USP35: variants seen among roughly 807,000 people sequenced by gnomAD.
USP35 encodes the protein ubiquitin carboxyl-terminal hydrolase 35.
A neutral mutation model predicts 83.8 loss-of-function variants in USP35; 69 were observed. The observed-to-expected ratio is 0.82, with a 90% CI of 0.68 to 1.01. The LOEUF (loss-of-function observed/expected upper bound fraction) is 1.01. USP35 is among the 50% of genes least tolerant of loss of function. The pLI is 0.00. For missense variants in USP35, 1,503 were observed against 1,362.5 expected, an observed-to-expected ratio of 1.10 and a Z score of -1.62; for synonymous variants, 714 against 589.5, an observed-to-expected ratio of 1.21 and a Z score of -3.06.
chr11:78,195,994 C>A (rs1189035396), intron 1 of USP35, among the ~76,000 whole-genome samples: 1 of 152,212 alleles, frequency 6.6e-6, no homozygotes, highest in Admixed American at 6.5e-5. Context: ...TCCCAAAGTG[C>A]TGGGATTACA....
intron 6 of USP35, among the ~76,000 whole-genome samples, chr11:78,205,280 C>T (rs1863496149): frequency 6.6e-6 from 1 of 152,200 alleles, no homozygotes; most frequent in Non-Finnish European, 1.5e-5. Context: ...TTCTGCAAAT[C>T]TAAAAGTAAA....
At chr11:78,226,265 C>T in the USP35 span, among the ~76,000 whole-genome samples, 2 of 152,216 alleles carry the variant, frequency 1.3e-5, no homozygotes, top group Non-Finnish European at 1.5e-5. Flanking sequence ...CTCTGTTAGA[C>T]AACTACTACT....
chr11:78,190,360 G>C (rs1862966582), intron 1 of USP35, among the ~76,000 whole-genome samples: 1 of 152,212 alleles, frequency 6.6e-6, no homozygotes, highest in Non-Finnish European at 1.5e-5. Context: ...TTTCTTGACT[G>C]ATGTTTAAGA....
At position 78,209,535 on chromosome 11, in the gene USP35, C is replaced by G. The variant is rs1366672318; in HGVS notation, c.1680C>G (p.Ala560=). ...SSPSPPEEPP[A]PSSTSVEKMF... Reference sequence around the variant, plus strand: ...CCTCTCCGCCCGAGGAGCCCCCGGCCCCAAGTTCAACCTCTGTGGAAAAAA... The same window carrying G: ...CCTCTCCGCCCGAGGAGCCCCCGGCGCCAAGTTCAACCTCTGTGGAAAAAA... Residue 560 remains alanine, a synonymous_variant, in exon 10 of 11, where the codon GCC becomes GCG. Transcript: ENST00000529308. 6.2e-7 allele frequency: 1 copy of G among 1,614,126 alleles called. No individual in the cohort carries two copies. Among genetic ancestry groups the G allele is most frequent in the Admixed American group, 1.7e-5 (1 of 60,030 alleles).
intron 3 of USP35, 121 bp downstream of exon 3, chr11:78,198,189 T>C (rs1863214019): frequency 1.4e-6 from 2 of 1,424,264 alleles, no homozygotes; most frequent in South Asian, 1.3e-5. Context: ...CAGGCCCTCA[T>C]GTGTGTTCCA....
In USP35 at chr11:78,210,078, C is replaced by T; in HGVS notation, c.2223C>T (p.His741=). 1 of 1,613,998 alleles carries T rather than the reference C, an allele frequency of 6.2e-7. No individual in the cohort carries two copies. The highest frequency in any genetic ancestry group is 8.5e-7 in the Non-Finnish European group (1 of 1,179,950). The change falls in exon 10 of 11, where the codon CAC becomes CAT. Residue 741 remains histidine, a synonymous_variant. Coordinates refer to ENST00000529308, the MANE Select transcript of USP35 (RefSeq NM_020798.4). ...KEEDSLGAGT[H]PDAAIPSGER... is the part of the protein sequence containing the mutation. ...AAGACAGCCTGGGAGCGGGGACCCA[C>T]CCGGATGCTGCCATCCCCTCCGGGG...
At chr11:78,226,410 G>A in the USP35 span, 1 of 1,366,878 alleles carries the variant, frequency 7.3e-7, no homozygotes, top group Non-Finnish European at 1.0e-6. Flanking sequence ...AAACTATTGA[G>A]AACCCCTGTG....
At chr11:78,233,890 C>T in the USP35 span, among the ~76,000 whole-genome samples, 1 of 152,200 alleles carries the variant, frequency 6.6e-6, no homozygotes, top group Admixed American at 6.5e-5. Flanking sequence ...AGATTACAGG[C>T]GTGGGCCACC....
the USP35 span, chr11:78,226,863 C>A: frequency 6.2e-7 from 1 of 1,614,004 alleles, no homozygotes; most frequent in South Asian, 1.1e-5. Flanking sequence ...GGCCAGGCTG[C>A]GGGGGAGGTC....
the USP35 span, chr11:78,222,110 C>T: frequency 6.2e-6 from 10 of 1,608,846 alleles, no homozygotes; most frequent in African/African-American, 4.0e-5. Flanking sequence ...CTTACTTGGC[C>T]CTAGACCAAG....
At chr11:78,211,285 G>A (rs758035016) in intron 10 of USP35, among the ~76,000 whole-genome samples, 44 of 152,268 alleles carry the variant, frequency 2.9e-4, no homozygotes, top group Non-Finnish European at 5.9e-4. Context: ...ACATGATCTC[G>A]TTCCTTTTTA....
chr11:78,213,722 T>TTGATGAAGACAAGGATGA lies in USP35; in HGVS notation c.2967_2984dup (p.Asp994_Glu995insAspAspGluAspLysAsp), dbSNP rs758782020. ...ACATCTCCGCACTGGGGGAGGGGCTTTGATGAAGACAAGGATGAGGATGAA... is the reference window on the plus strand; with the variant it reads ...ACATCTCCGCACTGGGGGAGGGGCTTTGATGAAGACAAGGATGATGATGAAGACAAGGATGAGGATGAA... On this transcript the variant is annotated inframe_insertion, in exon 11 of 11. Transcript: ENST00000529308. 3.3e-6 allele frequency: 5 copies of TTGATGAAGACAAGGATGA among 1,534,138 alleles called. No individual in the cohort carries two copies. Among genetic ancestry groups the TTGATGAAGACAAGGATGA allele is most frequent in the Non-Finnish European group, 4.3e-6 (5 of 1,150,966 alleles).
At chr11:78,202,546 T>G (rs935529982) in intron 6 of USP35, among the ~76,000 whole-genome samples, 1 of 152,148 alleles carries the variant, frequency 6.6e-6, no homozygotes, top group African/African-American at 2.4e-5. Flanking sequence ...CTACTGAAAA[T>G]GAGTTTATAG....
the USP35 span, chr11:78,223,460 C>T: frequency 6.3e-7 from 1 of 1,588,588 alleles, no homozygotes; most frequent in South Asian, 1.1e-5. Flanking sequence ...GGCTGAATCT[C>T]ACTTCCTCTG....
At chr11:78,197,887 A>G (rs752307141) in intron 2 of USP35, 49 bp from the exon 3 acceptor site, 2 of 1,594,056 alleles carry the variant, frequency 1.3e-6, no homozygotes, top group East Asian at 4.5e-5. Flanking sequence ...TGCTGGGGGA[A>G]GGGAGGGGCC....
In USP35 at chr11:78,205,932, C is replaced by G. The variant is rs938482819; in HGVS notation, c.1288C>G (p.Pro430Ala). ...GAAGAGCGAGCTGGCGGGTTTCTAT[C>G]CCCGGCTCATGGCCAAGTCAGACAC... Reference protein sequence around the residue: ...SQKSELAGFYPRLMAKSDTGK... With the variant: ...SQKSELAGFYARLMAKSDTGK... The change falls in exon 7 of 11, where the codon CCC becomes GCC. Residue 430 changes from proline (P) to alanine (A), a missense_variant. Physicochemically the swap from Pro to Ala is conservative, Grantham distance 27 (BLOSUM62 -1). Coordinates refer to ENST00000529308, the MANE Select transcript of USP35 (RefSeq NM_020798.4). 1.9e-6 allele frequency: 3 copies of G among 1,614,152 alleles called. No individual in the cohort carries two copies. In the African/African-American group the frequency reaches 4.0e-5, roughly 22 times the overall value.
At chr11:78,204,412 G>T (rs1277706854) in intron 6 of USP35, among the ~76,000 whole-genome samples, 1 of 152,184 alleles carries the variant, frequency 6.6e-6, no homozygotes, top group African/African-American at 2.4e-5. Flanking sequence ...GGTTGTGGCG[G>T]TTTCTTTGGG....
chr11:78,234,532 T>C, the USP35 span, among the ~76,000 whole-genome samples: 3 of 150,470 alleles, frequency 2.0e-5, no homozygotes, highest in African/African-American at 4.9e-5. Context: ...GAACAGGTTT[T>C]TCCTTTCTCC....
chr11:78,193,237 A>G (rs926196688), intron 1 of USP35, among the ~76,000 whole-genome samples: 5 of 152,140 alleles, frequency 3.3e-5, no homozygotes, highest in Admixed American at 3.3e-4. Context: ...TTAGTCACCC[A>G]GGCTGGAGTG....
Sources: gnomAD v4.1 joint callset for allele counts (sites outside exome capture counted in the v4.1 genomes callset) on GRCh38, gnomAD v4.1.1 for gene constraint, MANE v1.5 for transcripts, NCBI Gene and HGNC (gene_info 2026-07-23, HGNC 2026-07-21) for gene names.